The following TRPM3 variants were observed in gnomAD, a reference collection of about 807,000 sequenced individuals.
The protein encoded by TRPM3 is transient receptor potential cation channel subfamily M member 3.
A neutral mutation model predicts 181.2 loss-of-function variants in TRPM3; 77 were observed. That is an observed-to-expected ratio of 0.42 (90% confidence interval 0.35 to 0.51). The LOEUF is 0.51. Ranked by LOEUF, TRPM3 falls within the 20% of genes least tolerant of loss-of-function variation. TRPM3 has a pLI of 0.01. For synonymous variants in TRPM3, 745 were observed against 796.4 expected, an observed-to-expected ratio of 0.94 and a Z score of 1.09; for missense variants, 1,759 against 2,196.7, an observed-to-expected ratio of 0.80 and a Z score of 3.98.
chr9:71,384,293 C>G (rs1320211486), intron 1 of TRPM3, among the ~76,000 whole-genome samples: 1 of 152,072 alleles, frequency 6.6e-6, no homozygotes, highest in Non-Finnish European at 1.5e-5. Context: ...AGTCAATAAC[C>G]TCTTTGGTAG....
chr9:70,844,415 G>C (rs376867980), intron 4 of TRPM3, among the ~76,000 whole-genome samples: 1 of 142,294 alleles, frequency 7.0e-6, no homozygotes, highest in Non-Finnish European at 1.5e-5. Flanking sequence ...AATCTTCTGA[G>C]TGAGAGAACT....
In TRPM3 at chr9:70,591,030, C is replaced by T. The variant is rs760339927; in HGVS notation, c.3223+1G>A. The T allele has an allele frequency of 3.1e-6, 5 of 1,613,998 alleles. No individual in the cohort carries two copies. The highest frequency in any genetic ancestry group is 2.5e-6 in the Non-Finnish European group (3 of 1,180,022). ...TGTATGAGAATCATAAACTTGCTTA[C>T]GGTCTATCTGGTCCGCAAACACTTC... On this transcript the variant is annotated splice_donor_variant, in intron 22 of 25. Coordinates refer to ENST00000677713, the MANE Select transcript of TRPM3 (RefSeq NM_001366145.2). LOFTEE classifies it high-confidence loss of function.
chr9:71,153,866 C>T (rs990517461), intron 1 of TRPM3, among the ~76,000 whole-genome samples: 3 of 152,070 alleles, frequency 2.0e-5, no homozygotes, highest in Admixed American at 1.3e-4. Flanking sequence ...GAGCATCTTC[C>T]TTTTTTTCCT....
At chr9:70,655,886 A>G (rs2060269347) in intron 9 of TRPM3, among the ~76,000 whole-genome samples, 1 of 152,222 alleles carries the variant, frequency 6.6e-6, no homozygotes. Flanking sequence ...TTTTGAATCT[A>G]TAAGATATAT....
chr9:71,282,507 CAA>C (rs1267973091), intron 1 of TRPM3, among the ~76,000 whole-genome samples: 2 of 152,086 alleles, frequency 1.3e-5, no homozygotes, highest in Non-Finnish European at 2.9e-5. Flanking sequence ...TTTTTAAAAA[CAA>C]GAGGTATGCC....
chr9:71,396,167 A>G (rs1465385038), intron 1 of TRPM3, among the ~76,000 whole-genome samples: 1 of 152,202 alleles, frequency 6.6e-6, no homozygotes, highest in African/African-American at 2.4e-5. Context: ...GCCTTGTGAT[A>G]TTTAGAAGTT....
chr9:70,644,109 T>G (rs1269723974), intron 9 of TRPM3, among the ~76,000 whole-genome samples: 1 of 152,242 alleles, frequency 6.6e-6, no homozygotes, highest in Non-Finnish European at 1.5e-5. Flanking sequence ...TGCTGGGAAC[T>G]GATTTGTCAT....
Position 71,357,703 on chromosome 9 carries a change from T to G in TRPM3, c.183+88950A>C, listed in dbSNP as rs532962121. Among the ~76,000 whole-genome samples, 13 of 150,590 alleles carry G rather than the reference T, an allele frequency of 8.6e-5. No individual in the cohort carries two copies. The East Asian group carries it at 2.6e-3, about 30-fold the overall frequency. On this transcript the variant is annotated intron_variant, in intron 1 of 24. Transcript: ENST00000357533. ...GGATGATATTCTAAGTAGGTCTAAC[T>G]GCATCATTCTCAAGTGGTATGCTTT...
At chr9:70,989,575 G>A (rs928263323) in intron 1 of TRPM3, among the ~76,000 whole-genome samples, 1 of 152,134 alleles carries the variant, frequency 6.6e-6, no homozygotes, top group African/African-American at 2.4e-5. Flanking sequence ...AGGGTTTGGG[G>A]TGGGGGTAGG....
chr9:71,264,424 T>C (rs1031528931), intron 1 of TRPM3, among the ~76,000 whole-genome samples: 1 of 152,140 alleles, frequency 6.6e-6, no homozygotes, highest in Non-Finnish European at 1.5e-5. Flanking sequence ...TTACACTTCA[T>C]TAAAGCTGGG....
At chr9:71,385,476 C>A (rs73472625) in intron 1 of TRPM3, among the ~76,000 whole-genome samples, 1 of 152,122 alleles carries the variant, frequency 6.6e-6, no homozygotes, top group African/African-American at 2.4e-5. Context: ...ATACAAAGAC[C>A]CAGATTTCTA....
At chr9:71,382,506 A>G (rs2092824839) in intron 1 of TRPM3, among the ~76,000 whole-genome samples, 1 of 152,190 alleles carries the variant, frequency 6.6e-6, no homozygotes, top group African/African-American at 2.4e-5. Context: ...ATAAATAATC[A>G]GTGAAAAACC....
intron 1 of TRPM3, among the ~76,000 whole-genome samples, chr9:71,177,321 T>G (rs2077156014): frequency 6.6e-6 from 1 of 152,068 alleles, no homozygotes; most frequent in Non-Finnish European, 1.5e-5. Context: ...GCACAATAAA[T>G]GTAATGCTCT....
chr9:70,776,778 C>T (rs2081440799), intron 7 of TRPM3, among the ~76,000 whole-genome samples: 1 of 152,122 alleles, frequency 6.6e-6, no homozygotes, highest in Non-Finnish European at 1.5e-5. Context: ...CTTGTGGTAA[C>T]AACGCAGTGA....
intron 1 of TRPM3, among the ~76,000 whole-genome samples, chr9:71,035,981 G>GT (rs1436043828): frequency 1.2e-4 from 11 of 90,594 alleles, no homozygotes; most frequent in African/African-American, 4.4e-4. Flanking sequence ...GCAAACATAG[G>GT]CTTTTTTTTT....
chr9:71,035,398 C>G (rs1454431471), intron 1 of TRPM3, among the ~76,000 whole-genome samples: 1 of 152,162 alleles, frequency 6.6e-6, no homozygotes, highest in Non-Finnish European at 1.5e-5. Context: ...TTTAGTCATT[C>G]ATATATTGTA....
chr9:70,809,069 G>C (rs1485755941), intron 6 of TRPM3, among the ~76,000 whole-genome samples: 1 of 151,884 alleles, frequency 6.6e-6, no homozygotes, highest in African/African-American at 2.4e-5. Flanking sequence ...TCATTTTTAA[G>C]AAAAAAGTTT....
At chr9:71,318,574 G>A (rs573133257) in intron 1 of TRPM3, among the ~76,000 whole-genome samples, 10 of 152,100 alleles carry the variant, frequency 6.6e-5, no homozygotes, top group African/African-American at 1.2e-4. Context: ...AGCAGTTGCC[G>A]GGAACTAACA....
At chr9:70,897,114 T>C (rs1319074438) in intron 1 of TRPM3, among the ~76,000 whole-genome samples, 1 of 146,174 alleles carries the variant, frequency 6.8e-6, no homozygotes, top group Non-Finnish European at 1.5e-5. Flanking sequence ...TTTTTTCTTT[T>C]AGCTATTTTG....
Sources: gnomAD v4.1 joint callset for allele counts (sites outside exome capture counted in the v4.1 genomes callset) on GRCh38, gnomAD v4.1.1 for gene constraint, MANE v1.5 for transcripts, NCBI Gene and HGNC (gene_info 2026-07-23, HGNC 2026-07-21) for gene names.